The following CDH11 variants were observed in gnomAD, a reference collection of about 807,000 sequenced individuals.
The protein encoded by CDH11 is cadherin 11, also known as cadherin-11.
A neutral mutation model predicts 67.8 loss-of-function variants in CDH11; 11 were observed. The observed-to-expected ratio is 0.16, with a 90% CI of 0.10 to 0.27. The LOEUF is 0.27. Among genes scored for constraint, CDH11 ranks in the 10% least tolerant of loss-of-function variants. CDH11 has a pLI of 1.00. For missense variants in CDH11, 847 were observed against 1,031.2 expected (o/e 0.82, Z 2.45); for synonymous variants, 419 against 400.0 (o/e 1.05, Z -0.57).
At chr16:64,985,584 T>G (rs1398231007) in intron 7 of CDH11, 1 of 151,918 alleles carries the variant, frequency 6.6e-6, no homozygotes. Context: ...CAAGAAGTCA[T>G]TCATGTCCCA....
At chr16:65,060,631 A>G (rs1024309094) in intron 1 of CDH11, among the ~76,000 whole-genome samples, 1 of 152,086 alleles carries the variant, frequency 6.6e-6, no homozygotes, top group African/African-American at 2.4e-5. Flanking sequence ...ACACAATCAC[A>G]TATGCTCCAG....
At position 64,958,954 on chromosome 16, in the gene CDH11, A is replaced by G. The variant is rs563164624; in HGVS notation, c.1643-7936T>C. On this transcript the variant is annotated intron_variant, in intron 11 of 12. Coordinates refer to ENST00000268603, the MANE Select transcript of CDH11 (RefSeq NM_001797.4). ...AACATACACCCTTCACAAACAAACC[A>G]ATGTGAAGGAGGCAAGAAGAAACCT... 9.2e-5 allele frequency among the ~76,000 whole-genome samples: 14 copies of G among 152,238 alleles called. No individual in the cohort carries two copies. In the East Asian group the frequency reaches 2.5e-3, roughly 27 times the overall value.
chr16:64,979,395 T>C (rs192260193), intron 8 of CDH11, among the ~76,000 whole-genome samples: 214 of 152,238 alleles, frequency 1.4e-3, no homozygotes, highest in African/African-American at 4.9e-3. Context: ...TGGAGTGAGC[T>C]GAGATCGTGC....
At chr16:65,011,097 T>TATA (rs1555518844) in intron 2 of CDH11, among the ~76,000 whole-genome samples, 1,619 of 114,770 alleles carry the variant, frequency 0.014, 8 homozygotes, top group Non-Finnish European at 0.02. Flanking sequence ...CACATATTTT[T>TATA]TATATATATA....
At chr16:65,114,718 A>G (rs1323629963) in intron 1 of CDH11, among the ~76,000 whole-genome samples, 1 of 152,200 alleles carries the variant, frequency 6.6e-6, no homozygotes, top group Admixed American at 6.5e-5. Flanking sequence ...GGGAAACTGC[A>G]GGACAACCTG....
intron 1 of CDH11, among the ~76,000 whole-genome samples, chr16:65,114,548 C>T (rs972107932): frequency 1.3e-5 from 2 of 152,078 alleles, no homozygotes; most frequent in African/African-American, 4.8e-5. Flanking sequence ...GATGAGGTAC[C>T]GAGTAGAGCG....
rs553234027 is a variant in CDH11 at position 64,955,398 on chromosome 16, A to T, written c.1643-4380T>A. 2.6e-5 allele frequency among the ~76,000 whole-genome samples: 4 copies of T among 152,204 alleles called. No individual in the cohort carries two copies. The East Asian group carries it at 5.8e-4, about 22-fold the overall frequency. The stretch of plus-strand genomic sequence containing the variant: ...CAGTGAGCCGAGATTGTGCCACTGC[A>T]CTCCAACCTGGGAGACAGAATGAGA... On this transcript the variant is annotated intron_variant, in intron 11 of 12. Coordinates refer to ENST00000268603, the MANE Select transcript of CDH11 (RefSeq NM_001797.4).
At chr16:64,982,329 A>T in intron 7 of CDH11, 28 bp from the exon 8 acceptor site, 1 of 1,569,286 alleles carries the variant, frequency 6.4e-7, no homozygotes, top group Admixed American at 1.7e-5. Context: ...AAGATTGACA[A>T]CCAATTCCTT....
intron 8 of CDH11, chr16:64,981,035 A>G (rs1490467040): frequency 6.6e-6 from 1 of 151,440 alleles, no homozygotes; most frequent in African/African-American, 2.5e-5. Context: ...ATCAGTCATT[A>G]GCTCAGGATG....
chr16:64,956,284 A>G (rs1402020), intron 11 of CDH11, among the ~76,000 whole-genome samples: 31,821 of 152,160 alleles, frequency 0.21, 3,914 homozygotes, highest in East Asian at 0.46. Context: ...TCATAAAGCT[A>G]CTTAGCACAG....
At position 64,982,200 on chromosome 16, in the gene CDH11, A is replaced by G. The variant is rs2142459941; in HGVS notation, c.1101T>C (p.Thr367=). The G allele has an allele frequency of 1.2e-6, 2 of 1,614,114 alleles. No individual in the cohort carries two copies. Among genetic ancestry groups the G allele is most frequent in the Non-Finnish European group, 1.7e-6 (2 of 1,179,976 alleles). Residue 367 remains threonine, a synonymous_variant, in exon 8 of 13, where the codon ACT becomes ACC. Coordinates refer to ENST00000268603, the MANE Select transcript of CDH11 (RefSeq NM_001797.4). ...KFISNGPFKD[T]VTVKISVEDA... is the part of the protein sequence containing the mutation. ...CTTCTACTGAGATCTTGACGGTCACAGTGTCCTTGAAAGGGCCATTGCTGA... is the reference window on the plus strand; with the variant it reads ...CTTCTACTGAGATCTTGACGGTCACGGTGTCCTTGAAAGGGCCATTGCTGA...
intron 11 of CDH11, among the ~76,000 whole-genome samples, chr16:64,966,647 A>C (rs2071836473): frequency 6.6e-6 from 1 of 151,986 alleles, no homozygotes; most frequent in Non-Finnish European, 1.5e-5. Context: ...AATGCCCAAC[A>C]GGTGGGGGAA....
intron 2 of CDH11, among the ~76,000 whole-genome samples, chr16:65,042,856 G>A (rs993107566): frequency 9.9e-5 from 15 of 152,078 alleles, no homozygotes; most frequent in Admixed American, 9.8e-4. Flanking sequence ...TCCAGCCCCT[G>A]TTCTCCTGCC....
At chr16:64,965,818 A>ACACACACAC (rs2071809668) in intron 11 of CDH11, among the ~76,000 whole-genome samples, 1 of 139,834 alleles carries the variant, frequency 7.2e-6, no homozygotes. Flanking sequence ...ACACACACAC[A>ACACACACAC]AGCTTATTTA....
intron 8 of CDH11, among the ~76,000 whole-genome samples, chr16:64,973,689 C>T (rs1004037811): frequency 2.0e-5 from 3 of 152,026 alleles, no homozygotes; most frequent in African/African-American, 7.3e-5. Context: ...CACCTATAAT[C>T]CCAGTTACTC....
chr16:65,053,655 G>A (rs553796066), intron 2 of CDH11, 149 bp downstream of exon 2: 39 of 376,858 alleles, frequency 1.0e-4, no homozygotes, highest in African/African-American at 7.8e-4. Flanking sequence ...ACCGAAAAAC[G>A]TAGGCCTTTC....
chr16:65,044,548 T>C (rs914532255), intron 2 of CDH11, among the ~76,000 whole-genome samples: 2 of 152,012 alleles, frequency 1.3e-5, no homozygotes, highest in African/African-American at 4.8e-5. Flanking sequence ...GCACTCTCTA[T>C]ACAGAAGGAA....
intron 11 of CDH11, among the ~76,000 whole-genome samples, chr16:64,961,916 C>T (rs2071685014): frequency 1.3e-5 from 2 of 152,052 alleles, no homozygotes; most frequent in African/African-American, 4.8e-5. Flanking sequence ...CCCCCCAAAA[C>T]ACAAATCTTA....
chr16:65,108,684 T>A (rs1339969919), intron 1 of CDH11, among the ~76,000 whole-genome samples: 4 of 150,356 alleles, frequency 2.7e-5, no homozygotes, highest in East Asian at 2.0e-4. Flanking sequence ...AATCAATATT[T>A]AAAAAAAAAA....
Sources: gnomAD v4.1 joint callset for allele counts (sites outside exome capture counted in the v4.1 genomes callset) on GRCh38, gnomAD v4.1.1 for gene constraint, MANE v1.5 for transcripts, NCBI Gene and HGNC (gene_info 2026-07-23, HGNC 2026-07-21) for gene names.